CENPE: variants seen among roughly 807,000 people sequenced by gnomAD.
CENPE encodes the protein centromere-associated protein E.
Under a neutral mutation model 336.1 loss-of-function variants are expected in CENPE, and 145 were observed. That is an observed-to-expected ratio of 0.43 (90% CI 0.38 to 0.50). The LOEUF (loss-of-function observed/expected upper bound fraction) is 0.50, where lower values mean the gene tolerates loss of function less well. CENPE is among the 20% of genes least tolerant of loss of function. CENPE has a pLI of 0.00. For synonymous variants in CENPE, 1,013 were observed against 984.8 expected, an observed-to-expected ratio of 1.03 and a Z score of -0.54; for missense variants, 2,719 against 3,023.3, an observed-to-expected ratio of 0.90 and a Z score of 2.36.
Position 103,146,079 on chromosome 4 carries a change from T to C in CENPE, c.4163A>G (p.Gln1388Arg). 1.2e-6 allele frequency: 2 copies of C among 1,613,548 alleles called. No homozygotes were observed. The highest frequency in any genetic ancestry group is 1.7e-5 in the Admixed American group (1 of 59,968). The change falls in exon 30 of 49, where the codon CAG (glutamine) becomes CGG (arginine). Residue 1388 changes from glutamine (Q) to arginine (R), a missense_variant. This residue lies in a region of CENPE where 2,437 missense variants were observed against 2,513.3 expected (regional missense o/e 0.97). Coordinates refer to ENST00000265148, the MANE Select transcript of CENPE (RefSeq NM_001813.3). ...GTCTTTTTCTTTCATATTTAAGGACTGTTCTTGTTTGCTTTGAGACTCCTG... is the reference window on the plus strand; with the variant it reads ...GTCTTTTTCTTTCATATTTAAGGACCGTTCTTGTTTGCTTTGAGACTCCTG... ...KIQESQSKQEQSLNMKEKDNE... is the reference protein window; with the variant it reads ...KIQESQSKQERSLNMKEKDNE...
intron 16 of CENPE, among the ~76,000 whole-genome samples, chr4:103,172,179 C>T (rs1325889174): frequency 2.0e-5 from 3 of 151,974 alleles, no homozygotes; most frequent in Admixed American, 1.3e-4. Flanking sequence ...GCCAATATCC[C>T]TGAAGAACAG....
chr4:103,124,801 T>C (rs1025381793), intron 42 of CENPE, among the ~76,000 whole-genome samples: 1 of 152,210 alleles, frequency 6.6e-6, no homozygotes, highest in Non-Finnish European at 1.5e-5. Flanking sequence ...CCAGGCTTTG[T>C]GGTCATTCTA....
chr4:103,110,767 T>C (rs1372226892), intron 47 of CENPE, 61 bp downstream of exon 47: 11 of 1,316,238 alleles, frequency 8.4e-6, no homozygotes, highest in Non-Finnish European at 1.1e-5. Flanking sequence ...GCATATACCA[T>C]GTCCCTACAT....
chr4:103,159,421 T>A, intron 21 of CENPE, 97 bp from the exon 22 acceptor site: 1 of 728,752 alleles, frequency 1.4e-6, no homozygotes, highest in Non-Finnish European at 2.0e-6. Context: ...AGAGAAGTTA[T>A]TTACATTCAG....
At position 103,185,126 on chromosome 4, in the gene CENPE, G is replaced by A. The variant is rs565808180; in HGVS notation, c.745+684C>T. On this transcript the variant is annotated intron_variant, in intron 9 of 48. Coordinates refer to ENST00000265148, the MANE Select transcript of CENPE (RefSeq NM_001813.3). ...TGGAGACCAGCCTGACCAACATGGC[G>A]AAACTCTGTCTCTACTAAAAATACA... Among the ~76,000 whole-genome samples the A allele has an allele frequency of 5.3e-5, 8 of 152,030 alleles. No homozygotes were observed. The East Asian group carries it at 5.8e-4, about 11-fold the overall frequency.
At chr4:103,188,865 GA>G (rs1369732518) in intron 8 of CENPE, among the ~76,000 whole-genome samples, 1 of 151,972 alleles carries the variant, frequency 6.6e-6, no homozygotes, top group East Asian at 1.9e-4. Context: ...CTGGTTTTTT[GA>G]AAAGACCAAC....
At chr4:103,145,434 T>A in intron 31 of CENPE, 89 bp downstream of exon 31, 2 of 1,406,322 alleles carry the variant, frequency 1.4e-6, no homozygotes, top group Non-Finnish European at 1.9e-6. Flanking sequence ...CCCAAAACAA[T>A]TAAGCATGCC....
chr4:103,155,401 C>T (rs1012168991), intron 24 of CENPE, among the ~76,000 whole-genome samples: 1 of 152,104 alleles, frequency 6.6e-6, no homozygotes, highest in African/African-American at 2.4e-5. Context: ...CCTCAACCTT[C>T]CTGGGCTCAG....
intron 46 of CENPE, among the ~76,000 whole-genome samples, chr4:103,111,380 C>T (rs561588243): frequency 4.6e-5 from 7 of 152,194 alleles, no homozygotes; most frequent in South Asian, 2.1e-4. Context: ...GCGTGTGTGG[C>T]GGGGAGGTGA....
chr4:103,194,516 A>T (rs1757596693), intron 6 of CENPE, 75 bp from the exon 7 acceptor site: 1 of 1,460,454 alleles, frequency 6.8e-7, no homozygotes, highest in Non-Finnish European at 9.4e-7. Context: ...ATTTTAACTT[A>T]AAAAAGTATG....
rs1560662858 is a variant in CENPE, at chr4:103,175,952, T to G, written c.1479+8A>C. ...AAGCATTATATGCTGTAAAATACATTAAGTTACCTGATTTAGTAGCTTTGT... is the reference window on the plus strand; with the variant it reads ...AAGCATTATATGCTGTAAAATACATGAAGTTACCTGATTTAGTAGCTTTGT... On this transcript the variant is annotated splice_region_variant and intron_variant, in intron 15 of 48. Coordinates refer to ENST00000265148, the MANE Select transcript of CENPE (RefSeq NM_001813.3). The G allele has an allele frequency of 1.9e-6, 3 of 1,538,714 alleles. No homozygotes were observed. The South Asian group carries it at 3.5e-5, about 18-fold the overall frequency.
At chr4:103,160,206 C>T (rs1754318551) in intron 21 of CENPE, among the ~76,000 whole-genome samples, 1 of 151,882 alleles carries the variant, frequency 6.6e-6, no homozygotes, top group African/African-American at 2.4e-5. Flanking sequence ...GAAACATTCA[C>T]CAGCCTGCAA....
intron 42 of CENPE, among the ~76,000 whole-genome samples, chr4:103,131,672 A>T (rs535667075): frequency 2.1e-4 from 32 of 152,350 alleles, no homozygotes; most frequent in African/African-American, 7.5e-4. Context: ...TAGCAGCTGA[A>T]TTCATAATTG....
chr4:103,191,681 A>G (rs917224546), intron 8 of CENPE, among the ~76,000 whole-genome samples: 3 of 151,826 alleles, frequency 2.0e-5, no homozygotes, highest in Non-Finnish European at 2.9e-5. Flanking sequence ...GCATTAGGAG[A>G]TATACCTAAT....
intron 46 of CENPE, among the ~76,000 whole-genome samples, chr4:103,112,324 T>C (rs1199410430): frequency 9.9e-6 from 1 of 101,224 alleles, no homozygotes; most frequent in East Asian, 2.8e-4. Context: ...CTTATAAGTG[T>C]ATATATATAT....
chr4:103,163,414 T>C, intron 17 of CENPE, 65 bp downstream of exon 17: 1 of 1,301,010 alleles, frequency 7.7e-7, no homozygotes. Flanking sequence ...CATGTTCAGT[T>C]ACATATGTTG....
chr4:103,188,049 G>A (rs951775898), intron 8 of CENPE, among the ~76,000 whole-genome samples: 3 of 151,880 alleles, frequency 2.0e-5, no homozygotes, highest in African/African-American at 7.3e-5. Flanking sequence ...AGACAAAGAA[G>A]GCCATTACAT....
chr4:103,172,046 G>A (rs1755459074), intron 16 of CENPE, among the ~76,000 whole-genome samples: 1 of 151,896 alleles, frequency 6.6e-6, no homozygotes, highest in Non-Finnish European at 1.5e-5. Context: ...AGTTACAGAA[G>A]AACTAATAGC....
intron 48 of CENPE, among the ~76,000 whole-genome samples, chr4:103,108,022 T>C (rs908652056): frequency 6.6e-6 from 1 of 152,168 alleles, no homozygotes; most frequent in African/African-American, 2.4e-5. Context: ...TTGTACTCAC[T>C]GTGCTCTGAC....
Sources: allele counts gnomAD v4.1 joint callset (sites outside exome capture counted in the v4.1 genomes callset), GRCh38; gene constraint gnomAD v4.1.1; regional missense constraint gnomAD v4.1.1; transcripts MANE v1.5; gene names NCBI Gene and HGNC (gene_info 2026-07-23, HGNC 2026-07-21).